The following CGNL1 variants were observed in gnomAD, a reference collection of about 807,000 sequenced individuals.
The protein encoded by CGNL1 is cingulin-like protein 1.
CGNL1 carries 132 observed loss-of-function variants against 141.2 expected under a neutral mutation model. The observed-to-expected ratio is 0.93, with a 90% confidence interval of 0.81 to 1.08. The LOEUF (loss-of-function observed/expected upper bound fraction) is 1.08. CGNL1 is among the 50% of genes least tolerant of loss of function. The probability of loss-of-function intolerance (pLI) is 0.00; values close to 1 mark genes in which losing one functional copy is unlikely to be tolerated. For missense variants in CGNL1, 1,870 were observed against 1,588.6 expected (o/e 1.18, Z -3.01); for synonymous variants, 690 against 622.1 (o/e 1.11, Z -1.63).
At chr15:57,519,179 G>C (rs778381312) in intron 10 of CGNL1, among the ~76,000 whole-genome samples, 7 of 152,138 alleles carry the variant, frequency 4.6e-5, no homozygotes, top group Non-Finnish European at 1.0e-4. Context: ...AGTGACCTCC[G>C]GGTGATGCAG....
chr15:57,395,552 G>A (rs1310384668), intron 1 of CGNL1, among the ~76,000 whole-genome samples: 1 of 152,210 alleles, frequency 6.6e-6, no homozygotes, highest in Non-Finnish European at 1.5e-5. Flanking sequence ...AACAGGAACT[G>A]GGCATGGTGT....
intron 1 of CGNL1, among the ~76,000 whole-genome samples, chr15:57,428,778 A>T (rs2063009331): frequency 6.6e-6 from 1 of 152,202 alleles, no homozygotes; most frequent in Non-Finnish European, 1.5e-5. Context: ...TATTCCCAGC[A>T]CTTTTGGAGG....
intron 8 of CGNL1, among the ~76,000 whole-genome samples, chr15:57,476,511 G>A (rs2063659342): frequency 6.6e-6 from 1 of 152,216 alleles, no homozygotes. Context: ...CTGGATAGAT[G>A]TAAATGGATT....
chr15:57,383,297 T>TTTTTTTTTTTTG (rs1168896726), intron 1 of CGNL1, among the ~76,000 whole-genome samples: 1 of 135,344 alleles, frequency 7.4e-6, no homozygotes, highest in African/African-American at 2.9e-5. Context: ...TCTTCCTTTT[T>TTTTTTTTTTTTG]TTTTTTTTGT....
chr15:57,522,122 C>G (rs910536591), intron 10 of CGNL1, among the ~76,000 whole-genome samples: 1 of 152,204 alleles, frequency 6.6e-6, no homozygotes, highest in Non-Finnish European at 1.5e-5. Flanking sequence ...TAATTCCCCC[C>G]CACACTGAAC....
intron 1 of CGNL1, among the ~76,000 whole-genome samples, chr15:57,393,198 T>A (rs1219863520): frequency 6.6e-6 from 1 of 152,190 alleles, no homozygotes; most frequent in East Asian, 1.9e-4. Flanking sequence ...TAACTGACAT[T>A]TCTATTGAGT....
chr15:57,492,608 T>C (rs2063881388), intron 8 of CGNL1, among the ~76,000 whole-genome samples: 1 of 151,912 alleles, frequency 6.6e-6, no homozygotes, highest in African/African-American at 2.4e-5. Context: ...AGTCCAATAA[T>C]CTTGAAGGTG....
intron 8 of CGNL1, among the ~76,000 whole-genome samples, chr15:57,503,600 G>C (rs1290464253): frequency 6.6e-6 from 1 of 152,062 alleles, no homozygotes; most frequent in African/African-American, 2.4e-5. Context: ...GAGTGGAAGG[G>C]GTGTGTTATT....
chr15:57,386,478 CTG>C (rs1317600178), intron 1 of CGNL1, among the ~76,000 whole-genome samples: 7 of 152,208 alleles, frequency 4.6e-5, no homozygotes, highest in African/African-American at 1.4e-4. Context: ...CAAAGAATAT[CTG>C]TGTTACGGGC....
intron 8 of CGNL1, among the ~76,000 whole-genome samples, chr15:57,465,610 C>G (rs1397199938): frequency 6.6e-6 from 1 of 151,836 alleles, no homozygotes; most frequent in Non-Finnish European, 1.5e-5. Flanking sequence ...AAGCTGGTCT[C>G]AAACCCCTGA....
intron 8 of CGNL1, among the ~76,000 whole-genome samples, chr15:57,503,896 C>A (rs753957997): frequency 6.6e-6 from 1 of 152,118 alleles, no homozygotes; most frequent in Non-Finnish European, 1.5e-5. Context: ...TCCCACAACA[C>A]GTGGGGATTC....
intron 8 of CGNL1, among the ~76,000 whole-genome samples, chr15:57,510,455 C>A (rs1289756952): frequency 2.0e-5 from 3 of 152,122 alleles, no homozygotes; most frequent in African/African-American, 4.8e-5. Context: ...ATGAGAATTC[C>A]ATTCTGGAGG....
Position 57,438,770 on chromosome 15 carries a change from G to GACTGCCC in CGNL1, c.774_780dup (p.Ser261CysfsTer9). On this transcript the variant is annotated frameshift_variant, in exon 2 of 19. Transcript: ENST00000281282. LOFTEE classifies it high-confidence loss of function. ...CCCTTTTCACTAGCGGGAGGCCCCT[G>GACTGCCC]ACTGCCCACAGCCCACATGCCCACC... 1 of 1,614,150 alleles carries GACTGCCC rather than the reference G, an allele frequency of 6.2e-7. No homozygotes were observed. Among genetic ancestry groups the GACTGCCC allele is most frequent in the Non-Finnish European group, 8.5e-7 (1 of 1,180,024 alleles).
chr15:57,519,558 C>A lies in CGNL1; in HGVS notation c.2715+1061C>A, dbSNP rs189325619. On this transcript the variant is annotated intron_variant, in intron 10 of 18. Transcript: ENST00000281282. ...ACTCGTGTTTGCGTATAGTAAAGTC[C>A]CAATTTTTCCTGAGTTCAATGTCTG... Among the ~76,000 whole-genome samples, 7 of 152,236 alleles carry A rather than the reference C, an allele frequency of 4.6e-5. No individual in the cohort carries two copies. The East Asian group carries it at 1.2e-3, about 25-fold the overall frequency.
At chr15:57,455,892 T>C (rs2152327081) in intron 7 of CGNL1, among the ~76,000 whole-genome samples, 1 of 152,314 alleles carries the variant, frequency 6.6e-6, no homozygotes, top group Middle Eastern at 3.4e-3. Context: ...ACATATTTTC[T>C]TAAACCTGTT....
intron 8 of CGNL1, among the ~76,000 whole-genome samples, chr15:57,484,246 T>G (rs1164755051): frequency 6.6e-6 from 1 of 152,200 alleles, no homozygotes; most frequent in Non-Finnish European, 1.5e-5. Context: ...GACATTTCTT[T>G]TGGGGGAGTT....
At chr15:57,441,443 A>G (rs1595708825) in intron 3 of CGNL1, among the ~76,000 whole-genome samples, 1 of 152,086 alleles carries the variant, frequency 6.6e-6, no homozygotes, top group East Asian at 1.9e-4. Context: ...ATCTTGGCTC[A>G]CTGCAACCCC....
intron 1 of CGNL1, among the ~76,000 whole-genome samples, chr15:57,414,635 G>T (rs2152274274): frequency 6.8e-6 from 1 of 148,112 alleles, no homozygotes; most frequent in South Asian, 2.2e-4. Context: ...TTTGTCACCT[G>T]TGTTCCTCAC....
intron 8 of CGNL1, among the ~76,000 whole-genome samples, chr15:57,500,999 T>C (rs1180013768): frequency 6.6e-6 from 1 of 152,196 alleles, no homozygotes; most frequent in African/African-American, 2.4e-5. Context: ...AAGTATAGAA[T>C]ACATGTGTGG....
Sources: allele counts gnomAD v4.1 joint callset (sites outside exome capture counted in the v4.1 genomes callset), GRCh38; gene constraint gnomAD v4.1.1; transcripts MANE v1.5; gene names NCBI Gene and HGNC (gene_info 2026-07-23, HGNC 2026-07-21).